The following ASTN2 variants were observed in gnomAD, a reference collection of about 807,000 sequenced individuals.
ASTN2 encodes astrotactin-2.
In ASTN2, 54 loss-of-function variants were observed where a neutral mutation model predicts 139.8. The observed-to-expected ratio is 0.39, with a 90% CI of 0.31 to 0.48. The LOEUF (loss-of-function observed/expected upper bound fraction) is 0.48. Among genes scored for constraint, ASTN2 ranks in the 20% least tolerant of loss-of-function variants. The pLI, the probability that ASTN2 is intolerant of heterozygous loss-of-function variation, is 0.95. For missense variants in ASTN2, 1,565 were observed against 1,725.1 expected (o/e 0.91, Z 1.64); for synonymous variants, 756 against 719.5 (o/e 1.05, Z -0.81).
intron 2 of ASTN2, among the ~76,000 whole-genome samples, chr9:117,284,279 A>G (rs1834394824): frequency 6.6e-6 from 1 of 152,022 alleles, no homozygotes; most frequent in Admixed American, 6.6e-5. Flanking sequence ...AATTTTTTGT[A>G]TTTTTGCTAT....
At chr9:117,181,155 T>C in intron 3 of ASTN2, 3 of 733,966 alleles carry the variant, frequency 4.1e-6, no homozygotes, top group South Asian at 1.6e-5. Context: ...CATTGCACAA[T>C]GGGCCCCCAT....
intron 5 of ASTN2, among the ~76,000 whole-genome samples, chr9:117,077,470 G>A (rs767369346): frequency 6.6e-6 from 1 of 152,176 alleles, no homozygotes; most frequent in African/African-American, 2.4e-5. Context: ...GGAGCTGGCC[G>A]GGTGCGGTAG....
intron 4 of ASTN2, among the ~76,000 whole-genome samples, chr9:117,134,339 C>CAT (rs1248375154): frequency 0.014 from 1,997 of 139,156 alleles, 74 homozygotes; most frequent in East Asian, 0.065. Context: ...CACACACACA[C>CAT]GCCTGTGTTC....
chr9:116,695,735 G>C (rs551886146), intron 16 of ASTN2, among the ~76,000 whole-genome samples: 6 of 152,160 alleles, frequency 3.9e-5, no homozygotes, highest in Non-Finnish European at 8.8e-5. Flanking sequence ...TCTGATTTGG[G>C]GTATACGTTG....
At chr9:116,470,956 G>A (rs144635670) in intron 20 of ASTN2, among the ~76,000 whole-genome samples, 1 of 152,278 alleles carries the variant, frequency 6.6e-6, no homozygotes, top group East Asian at 1.9e-4. Flanking sequence ...CTAAGACGAT[G>A]TATTGTTCAA....
At chr9:117,235,029 T>C (rs946440255) in intron 2 of ASTN2, among the ~76,000 whole-genome samples, 1 of 151,862 alleles carries the variant, frequency 6.6e-6, no homozygotes, top group Non-Finnish European at 1.5e-5. Flanking sequence ...AGGTCAGGAG[T>C]TCGAGACCAG....
chr9:116,975,103 A>G, intron 10 of ASTN2, 105 bp downstream of exon 10: 4 of 1,226,380 alleles, frequency 3.3e-6, no homozygotes, highest in Non-Finnish European at 2.2e-6. Flanking sequence ...CTTCACATCA[A>G]CTAAACAGCA....
At chr9:117,206,311 A>T (rs1352127222) in intron 3 of ASTN2, among the ~76,000 whole-genome samples, 1 of 152,140 alleles carries the variant, frequency 6.6e-6, no homozygotes, top group Non-Finnish European at 1.5e-5. Context: ...CTGTGGGGAA[A>T]AGATAAGCAG....
intron 2 of ASTN2, among the ~76,000 whole-genome samples, chr9:117,279,920 G>T (rs1040617426): frequency 3.9e-5 from 6 of 152,002 alleles, no homozygotes; most frequent in Non-Finnish European, 7.4e-5. Context: ...TCTCTTCCAT[G>T]TGTCTCTCAT....
chr9:116,447,184 C>A (rs2118903972), intron 20 of ASTN2, among the ~76,000 whole-genome samples: 2 of 152,274 alleles, frequency 1.3e-5, no homozygotes, highest in East Asian at 3.9e-4. Context: ...CCCTTCTTCA[C>A]TTGACCCCTC....
intron 13 of ASTN2, among the ~76,000 whole-genome samples, chr9:116,740,669 C>T (rs923201017): frequency 2.6e-5 from 4 of 151,934 alleles, no homozygotes; most frequent in East Asian, 1.9e-4. Flanking sequence ...CCCACCACCA[C>T]GCTCTGCTAA....
At chr9:116,545,142 A>C (rs1852037443) in intron 19 of ASTN2, among the ~76,000 whole-genome samples, 1 of 152,160 alleles carries the variant, frequency 6.6e-6, no homozygotes, top group African/African-American at 2.4e-5. Context: ...AGATGTGCCA[A>C]TGCAGAGCCA....
intron 20 of ASTN2, among the ~76,000 whole-genome samples, chr9:116,448,144 G>A (rs1460273964): frequency 6.6e-6 from 1 of 152,196 alleles, no homozygotes; most frequent in African/African-American, 2.4e-5. Context: ...GCATTCTGGG[G>A]AGGCAAAAGT....
At chr9:116,759,275 A>T (rs926494039) in intron 13 of ASTN2, among the ~76,000 whole-genome samples, 2 of 152,210 alleles carry the variant, frequency 1.3e-5, no homozygotes, top group African/African-American at 4.8e-5. Flanking sequence ...GAAGAAAAGT[A>T]TGTGTGAGAA....
At chr9:117,286,004 C>G (rs565636848) in intron 2 of ASTN2, among the ~76,000 whole-genome samples, 1 of 152,274 alleles carries the variant, frequency 6.6e-6, no homozygotes, top group South Asian at 2.1e-4. Context: ...ACATATTGGT[C>G]TCAAACAGTT....
chr9:117,120,018 G>GTGTGTGTGTATATATATATA lies in ASTN2; in HGVS notation c.1168+21307_1168+21308insTATATATATATACACACACA, dbSNP rs1306397698. On this transcript the variant is annotated intron_variant, in intron 4 of 22. Transcript: ENST00000313400. ...TGTGTGTGTGTGTGTGTGTGTGTGT[G>GTGTGTGTGTATATATATATA]TATATATATATATATATATATATAT... 2.7e-3 allele frequency among the ~76,000 whole-genome samples: 123 copies of GTGTGTGTGTATATATATATA among 45,960 alleles called. 1 individual carries two copies. The highest frequency in any genetic ancestry group is 8.8e-3 in the African/African-American group (107 of 12,160). 30.2% of individuals were successfully genotyped at this position (45,960 alleles called of 152,430 possible). A position where few individuals can be genotyped will look rare whatever the true frequency, so the allele number is the denominator to read the frequency against.
chr9:117,163,760 T>C lies in ASTN2; in HGVS notation c.1016-22282A>G, dbSNP rs555640918. On this transcript the variant is annotated intron_variant, in intron 3 of 22. Coordinates refer to ENST00000313400, the MANE Select transcript of ASTN2 (RefSeq NM_001365068.1). ...CTTTAGTTCACACTTGGATTGACCA[T>C]TAATAAGTCTTTTTTCCCCCAACGG... Among the ~76,000 whole-genome samples the C allele has an allele frequency of 9.8e-4, 149 of 152,214 alleles. 3 individuals are homozygous for C. The Middle Eastern group carries it at 0.048, about 49-fold the overall frequency.
chr9:117,366,437 G>C (rs1485560727), intron 1 of ASTN2, among the ~76,000 whole-genome samples: 2 of 152,048 alleles, frequency 1.3e-5, no homozygotes, highest in South Asian at 2.1e-4. Context: ...GGGAAGTGAG[G>C]TCCCAAAAGG....
At chr9:117,367,722 A>C (rs1261428311) in intron 1 of ASTN2, among the ~76,000 whole-genome samples, 1 of 152,084 alleles carries the variant, frequency 6.6e-6, no homozygotes, top group East Asian at 1.9e-4. Flanking sequence ...TATGTGACTT[A>C]ATCAGGTTTG....
Sources: gnomAD v4.1 joint callset for allele counts (sites outside exome capture counted in the v4.1 genomes callset) on GRCh38, gnomAD v4.1.1 for gene constraint, MANE v1.5 for transcripts, NCBI Gene and HGNC (gene_info 2026-07-23, HGNC 2026-07-21) for gene names.